Variants in ITGA1 observed in about 807,000 individuals in gnomAD.
The protein encoded by ITGA1 is integrin subunit alpha 1, also known as integrin alpha-1.
Under a neutral mutation model 145.9 loss-of-function variants are expected in ITGA1, and 85 were observed. That is an observed-to-expected ratio of 0.58 (90% CI 0.49 to 0.70). The LOEUF (loss-of-function observed/expected upper bound fraction) is 0.70. Ranked by LOEUF, ITGA1 falls within the 30% of genes least tolerant of loss-of-function variation. The probability of loss-of-function intolerance (pLI) is 0.00; values close to 1 mark genes in which losing one functional copy is unlikely to be tolerated. For synonymous variants in ITGA1, 520 were observed against 495.3 expected, an observed-to-expected ratio of 1.05 and a Z score of -0.66; for missense variants, 1,351 against 1,418.7, an observed-to-expected ratio of 0.95 and a Z score of 0.77.
At chr5:52,844,414 T>G (rs547398181) in intron 1 of ITGA1, among the ~76,000 whole-genome samples, 1 of 152,348 alleles carries the variant, frequency 6.6e-6, no homozygotes, top group Admixed American at 6.5e-5. Context: ...CATATCACTT[T>G]GTACTAGCCC....
At chr5:52,844,263 T>C (rs1010655195) in intron 1 of ITGA1, among the ~76,000 whole-genome samples, 3 of 152,138 alleles carry the variant, frequency 2.0e-5, no homozygotes, top group African/African-American at 4.8e-5. Context: ...GGCCAGGACT[T>C]TTCTCCTTAC....
chr5:52,880,959 G>A (rs1749947239), intron 6 of ITGA1, among the ~76,000 whole-genome samples: 1 of 152,174 alleles, frequency 6.6e-6, no homozygotes, highest in Non-Finnish European at 1.5e-5. Context: ...GTGGGAAGAG[G>A]AAGAATATGG....
In ITGA1 at chr5:52,801,134, A is replaced by G. The variant is rs776236761; in HGVS notation, c.61+12720A>G. 8 of 1,577,644 alleles carry G rather than the reference A, an allele frequency of 5.1e-6. No individual in the cohort carries two copies. In the East Asian group the frequency reaches 1.6e-4, roughly 31 times the overall value. ...AAATTTCTTCAGGTAAAACAATCTT[A>G]CCCAGGGATAATTAAGAATGGGCAG... is the stretch of plus-strand genomic sequence containing the variant. On this transcript the variant is annotated intron_variant, in intron 1 of 28. Transcript: ENST00000282588.
rs56996823 is a variant in ITGA1 at position 52,794,500 on chromosome 5, TACACACACACACAC to T, written c.61+6109_61+6122del. ...GTATAAGAATACATGCAAATAGAAA[TACACACACACACAC>T]ACACACACACACACACACACACTTC... On this transcript the variant is annotated intron_variant, in intron 1 of 28. Transcript: ENST00000282588. Among the ~76,000 whole-genome samples the T allele has an allele frequency of 9.9e-5, 14 of 141,914 alleles. 1 individual carries two copies. Among genetic ancestry groups the T allele is most frequent in the African/African-American group, 3.4e-4 (13 of 38,256 alleles). The allele number at this position is 141,914 out of a possible 152,430, so 93.1% of individuals were successfully genotyped here.
chr5:52,947,313 T>C (rs1299922449), intron 27 of ITGA1, 32 bp from the exon 28 acceptor site: 6 of 1,328,524 alleles, frequency 4.5e-6, no homozygotes, highest in Admixed American at 1.7e-5. Flanking sequence ...TAGGTGTTTA[T>C]TATGTTAACA....
chr5:52,874,999 T>C (rs1278999239), intron 6 of ITGA1, among the ~76,000 whole-genome samples: 2 of 152,148 alleles, frequency 1.3e-5, no homozygotes, highest in Non-Finnish European at 2.9e-5. Context: ...CAATTAGTAA[T>C]CCACAATGCA....
chr5:52,851,703 G>A (rs947523815), intron 2 of ITGA1, among the ~76,000 whole-genome samples: 8 of 152,192 alleles, frequency 5.3e-5, no homozygotes, highest in African/African-American at 1.9e-4. Context: ...ACATTTGTGA[G>A]GTAATGTTAA....
In ITGA1 at chr5:52,897,483, T is replaced by G; in HGVS notation, c.1119T>G (p.Phe373Leu). 5 of 1,613,252 alleles carry G rather than the reference T, an allele frequency of 3.1e-6. No homozygotes were observed. Among genetic ancestry groups the G allele is most frequent in the Non-Finnish European group, 4.2e-6 (5 of 1,179,350 alleles). ...CAGCTGACCAGTCAGCAGCTTCATT[T>G]GAAATGGAAATGTCTCAGACTGGCT... is the stretch of plus-strand genomic sequence containing the variant. ...EATADQSAAS[F>L]EMEMSQTGFS... Residue 373 changes from phenylalanine to leucine, a missense_variant, in exon 10 of 29, where the codon TTT becomes TTG. Phe to Leu is a conservative substitution (Grantham distance 22). Coordinates refer to ENST00000282588, the MANE Select transcript of ITGA1 (RefSeq NM_181501.2).
chr5:52,945,112 T>C (rs1579734706), intron 27 of ITGA1, 77 bp downstream of exon 27: 1 of 1,127,308 alleles, frequency 8.9e-7, no homozygotes, highest in Admixed American at 1.7e-5. Flanking sequence ...TAATTGTTGA[T>C]AGTCCCTTAA....
intron 1 of ITGA1, among the ~76,000 whole-genome samples, chr5:52,834,455 G>C (rs1561222307): frequency 6.6e-6 from 1 of 151,574 alleles, no homozygotes; most frequent in East Asian, 1.9e-4. Context: ...GGGGTGGAGA[G>C]AGAGAGAGGG....
At chr5:52,801,181 C>T in intron 1 of ITGA1, 7 of 1,469,826 alleles carry the variant, frequency 4.8e-6, no homozygotes, top group Non-Finnish European at 6.4e-6. Flanking sequence ...TAAACTACTC[C>T]TAAAGTTTTA....
At chr5:52,804,246 C>T (rs1160574970) in intron 1 of ITGA1, among the ~76,000 whole-genome samples, 1 of 152,150 alleles carries the variant, frequency 6.6e-6, no homozygotes, top group Non-Finnish European at 1.5e-5. Context: ...TCGATAACTC[C>T]AATGTACCTT....
chr5:52,876,727 CT>C (rs1222998573), intron 6 of ITGA1, among the ~76,000 whole-genome samples: 1 of 152,184 alleles, frequency 6.6e-6, no homozygotes, highest in African/African-American at 2.4e-5. Flanking sequence ...CTCTTTACCC[CT>C]GCCTGTCCCT....
chr5:52,939,045 GGCGCCT>G (rs1292014894), intron 24 of ITGA1, among the ~76,000 whole-genome samples: 1 of 152,074 alleles, frequency 6.6e-6, no homozygotes, highest in African/African-American at 2.4e-5. Context: ...TGGGACTACA[GGCGCCT>G]GCCACCACAC....
intron 18 of ITGA1, among the ~76,000 whole-genome samples, chr5:52,924,971 G>A (rs985366912): frequency 1.3e-5 from 2 of 152,198 alleles, no homozygotes; most frequent in African/African-American, 4.8e-5. Flanking sequence ...TTTAGATCTT[G>A]CAGTACTTGA....
rs566148292 is a variant in ITGA1 at position 52,920,616 on chromosome 5, T to C, written c.2292+148T>C. ...AAATCTTGTTTGTTCATTTTTATCA[T>C]AAAATCGCAGGTCTAATTTTCTCAT... is the stretch of plus-strand genomic sequence containing the variant. On this transcript the variant is annotated intron_variant, in intron 17 of 28. Coordinates refer to ENST00000282588, the MANE Select transcript of ITGA1 (RefSeq NM_181501.2). The C allele has an allele frequency of 2.5e-5, 17 of 677,832 alleles. No homozygotes were observed. The South Asian group carries it at 6.4e-4, about 26-fold the overall frequency. 42.0% of individuals were successfully genotyped at this position (677,832 alleles called of 1,614,324 possible).
chr5:52,810,945 T>G (rs1748675596), intron 1 of ITGA1, among the ~76,000 whole-genome samples: 1 of 152,218 alleles, frequency 6.6e-6, no homozygotes, highest in Middle Eastern at 3.2e-3. Flanking sequence ...TAGATATGTA[T>G]TTCATACAGA....
chr5:52,861,249 G>T (rs1580067186), intron 2 of ITGA1, among the ~76,000 whole-genome samples, 198 bp from the exon 3 acceptor site: 1 of 152,014 alleles, frequency 6.6e-6, no homozygotes, highest in Admixed American at 6.6e-5. Context: ...GTGTGTGTGT[G>T]TATATATACT....
intron 1 of ITGA1, chr5:52,800,824 G>C (rs761560784): frequency 6.2e-7 from 1 of 1,610,410 alleles, no homozygotes; most frequent in East Asian, 2.2e-5. Flanking sequence ...GGTCATGCAG[G>C]AAGGCCTCGC....
Sources: allele counts gnomAD v4.1 joint callset (sites outside exome capture counted in the v4.1 genomes callset), GRCh38; gene constraint gnomAD v4.1.1; transcripts MANE v1.5; gene names NCBI Gene and HGNC (gene_info 2026-07-23, HGNC 2026-07-21).